Variants in EXT2 observed in about 807,000 individuals in gnomAD.
The protein encoded by EXT2 is exostosin-2.
Under a neutral mutation model 81.6 loss-of-function variants are expected in EXT2, and 53 were observed. The observed-to-expected ratio is 0.65, with a 90% CI of 0.52 to 0.82. The LOEUF (loss-of-function observed/expected upper bound fraction) is 0.82, where lower values mean the gene tolerates loss of function less well. Among genes scored for constraint, EXT2 ranks in the 40% least tolerant of loss-of-function variants. The pLI, the probability that EXT2 is intolerant of heterozygous loss-of-function variation, is 0.00. For synonymous variants in EXT2, 320 were observed against 340.0 expected (o/e 0.94, Z 0.65); for missense variants, 774 against 910.2 (o/e 0.85, Z 1.93).
intron 9 of EXT2, among the ~76,000 whole-genome samples, chr11:44,199,613 G>T (rs138101402): frequency 5.9e-5 from 9 of 152,370 alleles, no homozygotes; most frequent in African/African-American, 1.4e-4. Context: ...TGCAAAAGAG[G>T]CTTCTCCTTA....
intron 6 of EXT2, among the ~76,000 whole-genome samples, chr11:44,129,050 G>C (rs1010392063): frequency 6.6e-6 from 1 of 152,152 alleles, no homozygotes; most frequent in Non-Finnish European, 1.5e-5. Flanking sequence ...AGTGATTGTT[G>C]AGTCCTCTCT....
At chr11:44,242,790 T>C (rs898390692) in intron 13 of EXT2, among the ~76,000 whole-genome samples, 9 of 152,230 alleles carry the variant, frequency 5.9e-5, no homozygotes, top group African/African-American at 1.9e-4. Context: ...ATTTGTATCA[T>C]CTAATTAAGA....
At chr11:44,139,388 A>G (rs2135053798) in intron 7 of EXT2, among the ~76,000 whole-genome samples, 1 of 152,212 alleles carries the variant, frequency 6.6e-6, no homozygotes, top group South Asian at 2.1e-4. Flanking sequence ...TAGATGTTTG[A>G]GTGGTAAACA....
At position 44,139,789 on chromosome 11, in the gene EXT2, C is replaced by T. The variant is rs1954621452; in HGVS notation, c.1173+9651C>T. On this transcript the variant is annotated intron_variant, in intron 7 of 13. Transcript: ENST00000533608. ...TGGCCCCTGCCCTTTTCTTTATGGG[C>T]TTCTTTGGCTCTTCTTTATAAAGAG... Among the ~76,000 whole-genome samples, 3 of 152,156 alleles carry T rather than the reference C, an allele frequency of 2.0e-5. No homozygotes were observed. The South Asian group carries it at 6.2e-4, about 32-fold the overall frequency.
chr11:44,148,432 CT>C (rs764132372), intron 7 of EXT2, among the ~76,000 whole-genome samples: 6 of 152,176 alleles, frequency 3.9e-5, no homozygotes, highest in Non-Finnish European at 5.9e-5. Flanking sequence ...CATTAGGAGT[CT>C]TGAAGTCACT....
At chr11:44,182,763 G>A (rs140217019) in intron 8 of EXT2, among the ~76,000 whole-genome samples, 1,600 of 152,096 alleles carry the variant, frequency 0.011, 23 homozygotes, top group African/African-American at 0.035. Context: ...GATTGAAATC[G>A]TCAAGACATA....
At chr11:44,108,873 T>C (rs1954100297) in intron 2 of EXT2, among the ~76,000 whole-genome samples, 1 of 152,246 alleles carries the variant, frequency 6.6e-6, no homozygotes, top group South Asian at 2.1e-4. Context: ...GCAGATGTTC[T>C]ACCATATATT....
At chr11:44,161,544 T>C (rs902045927) in intron 7 of EXT2, among the ~76,000 whole-genome samples, 3 of 152,180 alleles carry the variant, frequency 2.0e-5, no homozygotes, top group Non-Finnish European at 4.4e-5. Context: ...TACAATTTCA[T>C]AGTTTTTAAT....
chr11:44,138,738 T>C (rs1954605274), intron 7 of EXT2, among the ~76,000 whole-genome samples: 1 of 152,176 alleles, frequency 6.6e-6, no homozygotes, highest in Admixed American at 6.5e-5. Flanking sequence ...GCCTGTGAGT[T>C]GGAGAGACTT....
chr11:44,149,753 A>G (rs529180388), intron 7 of EXT2, among the ~76,000 whole-genome samples: 1 of 152,284 alleles, frequency 6.6e-6, no homozygotes, highest in South Asian at 2.1e-4. Flanking sequence ...GAGACTGGAG[A>G]TGAAAGGAAG....
intron 10 of EXT2, among the ~76,000 whole-genome samples, chr11:44,230,538 A>C (rs1955886213): frequency 6.6e-6 from 1 of 152,218 alleles, no homozygotes; most frequent in Non-Finnish European, 1.5e-5. Flanking sequence ...CCTAATTCAC[A>C]GACTGATGTC....
intron 10 of EXT2, among the ~76,000 whole-genome samples, chr11:44,231,528 A>G (rs919897642): frequency 6.6e-6 from 1 of 152,210 alleles, no homozygotes; most frequent in African/African-American, 2.4e-5. Context: ...TTGAAACTAG[A>G]TGAGACTACT....
intron 7 of EXT2, among the ~76,000 whole-genome samples, chr11:44,137,000 A>G (rs115766776): frequency 0.01 from 1,579 of 150,726 alleles, 23 homozygotes; most frequent in African/African-American, 0.035. Flanking sequence ...TTTCAGTAGC[A>G]CTCTATATTC....
rs557281700 is a variant in EXT2 at position 44,214,384 on chromosome 11, G to A, written c.1662+7425G>A. 2.6e-5 allele frequency among the ~76,000 whole-genome samples: 4 copies of A among 152,246 alleles called. No individual in the cohort carries two copies. In the South Asian group the frequency reaches 6.2e-4, roughly 24 times the overall value. On this transcript the variant is annotated intron_variant, in intron 10 of 13. Coordinates refer to ENST00000533608, the MANE Select transcript of EXT2 (RefSeq NM_207122.2). ...CCGCCTCAGCCTCCCAAAGTGCTGG[G>A]ACTACAAGCGTGAGCCACCATGCCC...
chr11:44,181,520 G>C (rs2135149668), intron 8 of EXT2, among the ~76,000 whole-genome samples: 1 of 152,148 alleles, frequency 6.6e-6, no homozygotes, highest in African/African-American at 2.4e-5. Context: ...TAGACTGATT[G>C]CTGTTTTTCG....
At chr11:44,111,370 C>A (rs2134976871) in intron 3 of EXT2, among the ~76,000 whole-genome samples, 1 of 152,254 alleles carries the variant, frequency 6.6e-6, no homozygotes, top group East Asian at 1.9e-4. Flanking sequence ...TTTTCACTCC[C>A]TTCCTGAAAG....
intron 10 of EXT2, among the ~76,000 whole-genome samples, chr11:44,231,464 C>T (rs867155748): frequency 1.3e-5 from 2 of 152,032 alleles, no homozygotes; most frequent in East Asian, 1.9e-4. Flanking sequence ...TAGGAACATT[C>T]GGGGCTAAAC....
At chr11:44,233,970 C>T (rs1590667651) in intron 11 of EXT2, 145 bp from the exon 12 acceptor site, 1 of 1,134,904 alleles carries the variant, frequency 8.8e-7, no homozygotes, top group Non-Finnish European at 1.3e-6. Context: ...TCTAATGCCT[C>T]CTTTTACCCT....
chr11:44,192,622 G>C (rs1160003356), intron 8 of EXT2, among the ~76,000 whole-genome samples: 1 of 152,084 alleles, frequency 6.6e-6, no homozygotes, highest in East Asian at 1.9e-4. Context: ...AGGATCCTGT[G>C]TTGAGCCCTC....
Sources: gnomAD v4.1 joint callset for allele counts (sites outside exome capture counted in the v4.1 genomes callset) on GRCh38, gnomAD v4.1.1 for gene constraint, MANE v1.5 for transcripts, NCBI Gene and HGNC (gene_info 2026-07-23, HGNC 2026-07-21) for gene names.